Variants in NPM1 observed in about 807,000 individuals in gnomAD.
The protein encoded by NPM1 is nucleophosmin 1, also known as nucleophosmin.
NPM1 carries 1 observed loss-of-function variant against 44.1 expected under a neutral mutation model. That is an observed-to-expected ratio of 0.02 (90% CI 0.01 to 0.11). The LOEUF is 0.11. Among genes scored for constraint, NPM1 ranks in the 10% least tolerant of loss-of-function variants. The probability of loss-of-function intolerance (pLI) is 1.00; values close to 1 mark genes in which losing one functional copy is unlikely to be tolerated. For missense variants in NPM1, 197 were observed against 347.8 expected, an observed-to-expected ratio of 0.57 and a Z score of 3.45; for synonymous variants, 126 against 111.8, an observed-to-expected ratio of 1.13 and a Z score of -0.80.
intron 10 of NPM1, 129 bp downstream of exon 10, chr5:171,407,903 T>C: frequency 1.6e-6 from 1 of 615,740 alleles, no homozygotes; most frequent in East Asian, 2.8e-5. Flanking sequence ...TTTCATTTAA[T>C]GAAATACCTG....
At chr5:171,388,074 GCGGGAATC>G in intron 1 of NPM1, 68 bp downstream of exon 1, 1 of 1,219,910 alleles carries the variant, frequency 8.2e-7, no homozygotes, top group Non-Finnish European at 1.2e-6. Flanking sequence ...GGGGTGAGGG[GCGGGAATC>G]CGGCTGCAAC....
intron 8 of NPM1, among the ~76,000 whole-genome samples, chr5:171,401,144 G>C (rs138366062): frequency 1.3e-5 from 2 of 152,120 alleles, no homozygotes. Flanking sequence ...GATCACCTGA[G>C]GTCAGGAGTT....
chr5:171,402,053 C>CCTTTTTT (rs780981799), intron 8 of NPM1, among the ~76,000 whole-genome samples: 8 of 133,624 alleles, frequency 6.0e-5, no homozygotes, highest in African/African-American at 2.2e-4. Context: ...TTCTGATTTC[C>CCTTTTTT]TTTTTTTTTT....
chr5:171,391,127 C>T (rs1173359607), intron 2 of NPM1, 178 bp from the exon 3 acceptor site: 12 of 659,738 alleles, frequency 1.8e-5, no homozygotes, highest in African/African-American at 1.1e-4. Flanking sequence ...TAGGCTATAC[C>T]ATCTAGGTTT....
intron 4 of NPM1, among the ~76,000 whole-genome samples, chr5:171,392,167 T>C (rs1260895584): frequency 1.3e-5 from 2 of 152,206 alleles, no homozygotes; most frequent in African/African-American, 4.8e-5. Flanking sequence ...CTTGAACTCC[T>C]GGCCTTAACG....
chr5:171,388,042 G>T, intron 1 of NPM1, 36 bp downstream of exon 1: 1 of 1,573,768 alleles, frequency 6.4e-7, no homozygotes, highest in Non-Finnish European at 8.7e-7. Flanking sequence ...AGGCCGAGCG[G>T]GGCCTGGTGG....
intron 6 of NPM1, among the ~76,000 whole-genome samples, chr5:171,397,890 T>A (rs2113216026): frequency 6.6e-6 from 1 of 151,592 alleles, no homozygotes; most frequent in East Asian, 1.9e-4. Context: ...TCCTCCCTTG[T>A]TCAAGCAATT....
intron 6 of NPM1, 43 bp downstream of exon 6, chr5:171,393,021 A>C (rs1770670450): frequency 6.3e-7 from 1 of 1,577,936 alleles, no homozygotes; most frequent in Admixed American, 1.8e-5. Context: ...CGGAATCTTG[A>C]CAAAAAAAGG....
chr5:171,405,548 T>G (rs1771519850), intron 9 of NPM1, 145 bp downstream of exon 9: 1 of 642,538 alleles, frequency 1.6e-6, no homozygotes, highest in Admixed American at 3.1e-5. Context: ...TTTCAAAAAT[T>G]TCTTATAAAA....
At position 171,387,857 on chromosome 5, in the gene NPM1, G is replaced by T. The variant is rs1581233973; in HGVS notation, c.-92G>T. The T allele has an allele frequency of 3.3e-6, 4 of 1,198,048 alleles. No individual in the cohort carries two copies. Among genetic ancestry groups the T allele is most frequent in the Non-Finnish European group, 1.2e-6 (1 of 809,696 alleles). 74.2% of individuals were successfully genotyped at this position (1,198,048 alleles called of 1,614,324 possible). On this transcript the variant is annotated 5_prime_UTR_variant, in exon 1 of 11. Coordinates refer to ENST00000296930, the MANE Select transcript of NPM1 (RefSeq NM_002520.7). ...CGCGGGGAGCCTGCGTCCTTTCCCT[G>T]GTGTGATTCCGTCCTGCGCGGTTGT...
chr5:171,408,758 C>T (rs191374450), intron 10 of NPM1, among the ~76,000 whole-genome samples: 27 of 152,046 alleles, frequency 1.8e-4, no homozygotes, highest in Non-Finnish European at 2.9e-4. Flanking sequence ...TGAAACTCCG[C>T]GTTATGCAAC....
rs1581248772 is a variant in NPM1, at chr5:171,399,008, GC to G, written c.525-1142del. On this transcript the variant is annotated intron_variant, in intron 6 of 10. Coordinates refer to ENST00000296930, the MANE Select transcript of NPM1 (RefSeq NM_002520.7). ...TGGGATTACAGGCGCCCGCCACCATGCCCGGCTAATTTTTGTATTTTTAGTA... is the reference window on the plus strand; with the variant it reads ...TGGGATTACAGGCGCCCGCCACCATGCCGGCTAATTTTTGTATTTTTAGTA... 2.0e-5 allele frequency among the ~76,000 whole-genome samples: 3 copies of G among 152,136 alleles called. No homozygotes were observed. In the East Asian group the frequency reaches 5.9e-4, roughly 30 times the overall value.
At chr5:171,392,418 C>CAGT (rs1770623500) in intron 4 of NPM1, among the ~76,000 whole-genome samples, 1 of 152,072 alleles carries the variant, frequency 6.6e-6, no homozygotes, top group African/African-American at 2.4e-5. Flanking sequence ...GATGGGGTCT[C>CAGT]AGTATGTTGC....
intron 2 of NPM1, 72 bp downstream of exon 2, chr5:171,390,202 T>A: frequency 2.3e-6 from 2 of 866,732 alleles, no homozygotes; most frequent in East Asian, 2.7e-5. Context: ...TCATGTGGCT[T>A]GAGACTTTTT....
intron 8 of NPM1, among the ~76,000 whole-genome samples, chr5:171,404,959 G>T (rs2113272383): frequency 6.6e-6 from 1 of 151,914 alleles, no homozygotes; most frequent in South Asian, 2.1e-4. Context: ...TATTTAAAGA[G>T]ATGGGTGGCC....
At chr5:171,400,325 T>TGAGGGAGATCATCTCATACG in intron 7 of NPM1, 115 bp downstream of exon 7, 3 of 1,193,692 alleles carry the variant, frequency 2.5e-6, no homozygotes, top group Admixed American at 4.4e-5. Flanking sequence ...CATCTCATAC[T>TGAGGGAGATCATCTCATACG]GAAAATTAGT....
chr5:171,391,873 T>TA, intron 4 of NPM1, 74 bp downstream of exon 4: 5 of 853,608 alleles, frequency 5.9e-6, no homozygotes, highest in South Asian at 1.4e-5. Flanking sequence ...AGTTTGGACT[T>TA]AAAGCATGGG....
intron 1 of NPM1, among the ~76,000 whole-genome samples, chr5:171,389,377 T>C (rs1322502451): frequency 6.6e-6 from 1 of 152,250 alleles, no homozygotes; most frequent in East Asian, 1.9e-4. Context: ...TTTTGCCCAT[T>C]CATGGAGTGA....
chr5:171,406,323 A>G, intron 9 of NPM1: 1 of 1,339,690 alleles, frequency 7.5e-7, no homozygotes, highest in African/African-American at 1.4e-5. Context: ...CTTGGATACA[A>G]TGCTAAAATG....
Sources: allele counts gnomAD v4.1 joint callset (sites outside exome capture counted in the v4.1 genomes callset), GRCh38; gene constraint gnomAD v4.1.1; transcripts MANE v1.5; gene names NCBI Gene and HGNC (gene_info 2026-07-23, HGNC 2026-07-21).